Variants in BNC2 observed in about 807,000 individuals in gnomAD.
BNC2 encodes the protein zinc finger protein basonuclin-2.
In BNC2, 20 loss-of-function variants were observed where a neutral mutation model predicts 76.3. That is an observed-to-expected ratio of 0.26 (90% confidence interval 0.18 to 0.38). BNC2 has a LOEUF of 0.38. BNC2 is among the 10% of genes least tolerant of loss of function. The pLI, the probability that BNC2 is intolerant of heterozygous loss-of-function variation, is 1.00. For synonymous variants in BNC2, 582 were observed against 514.8 expected (o/e 1.13, Z -1.77); for missense variants, 1,382 against 1,399.8 (o/e 0.99, Z 0.20).
chr9:16,459,018 A>G (rs1404405163), intron 5 of BNC2, among the ~76,000 whole-genome samples: 2 of 152,234 alleles, frequency 1.3e-5, no homozygotes, highest in African/African-American at 4.8e-5. Flanking sequence ...ACAAGGGTGA[A>G]GCAAGTACAG....
chr9:16,436,921 G>C lies in BNC2; in HGVS notation c.1273C>G (p.Arg425Gly), dbSNP rs373427796. 1 of 1,613,920 alleles carries C rather than the reference G, an allele frequency of 6.2e-7. No individual in the cohort carries two copies. The highest frequency in any genetic ancestry group is 1.7e-5 in the Admixed American group (1 of 59,986). Reference protein sequence around the residue: ...TKTEHPKSSFRIHRMRRMGSA... With the variant: ...TKTEHPKSSFGIHRMRRMGSA... ...CCCATCCTTCTCATCCGATGAATCC[G>C]GAATGAGCTTTTTGGGTGTTCAGTT... The change falls in exon 6 of 7, where the codon CGG (arginine) becomes GGG (glycine). Residue 425 changes from arginine to glycine, a missense_variant. By Grantham distance (125) the Arg-to-Gly change is moderately radical (BLOSUM62 -2). This residue lies in a region of BNC2 where 557 missense variants were observed against 540.9 expected (regional missense o/e 1.03). Transcript: ENST00000380672.
chr9:16,646,659 G>T (rs1821635831), intron 3 of BNC2, among the ~76,000 whole-genome samples: 1 of 152,082 alleles, frequency 6.6e-6, no homozygotes, highest in South Asian at 2.1e-4. Flanking sequence ...TTTGGTTGGG[G>T]CGATAGTTTA....
At chr9:16,694,780 T>TA (rs1663224102) in intron 3 of BNC2, among the ~76,000 whole-genome samples, 1 of 152,172 alleles carries the variant, frequency 6.6e-6, no homozygotes, top group Non-Finnish European at 1.5e-5. Context: ...TACTGTATAC[T>TA]ACACAATCCC....
intron 5 of BNC2, among the ~76,000 whole-genome samples, chr9:16,486,615 A>G (rs1461879787): frequency 6.6e-6 from 1 of 152,214 alleles, no homozygotes; most frequent in East Asian, 1.9e-4. Flanking sequence ...TTAATGACAC[A>G]TTAGGCTCTC....
chr9:16,811,538 G>A (rs1199879866), intron 1 of BNC2, among the ~76,000 whole-genome samples: 1 of 112,408 alleles, frequency 8.9e-6, no homozygotes, highest in African/African-American at 3.2e-5. Context: ...GGCAACAAGA[G>A]TGAAACTCCA....
chr9:16,763,349 C>T (rs1189552158), intron 1 of BNC2, among the ~76,000 whole-genome samples: 2 of 152,094 alleles, frequency 1.3e-5, no homozygotes, highest in African/African-American at 4.8e-5. Flanking sequence ...ACAGGAGTAT[C>T]GCCTGAGCCC....
In BNC2 at chr9:16,654,119, T is replaced by C. The variant is rs80042791; in HGVS notation, c.331-71034A>G. On this transcript the variant is annotated intron_variant, in intron 3 of 6. Coordinates refer to ENST00000380672, the MANE Select transcript of BNC2 (RefSeq NM_017637.6). ...AAGTGCAGGCAAGATGCTGTAATTA[T>C]AGCAAAAATAAAACATTCAGAGAGA... Among the ~76,000 whole-genome samples the C allele has an allele frequency of 4.4e-3, 672 of 152,262 alleles. 6 individuals are homozygous for C. The highest frequency in any genetic ancestry group is 7.2e-3 in the Non-Finnish European group (493 of 68,028).
At chr9:16,820,352 G>A (rs894050819) in intron 1 of BNC2, among the ~76,000 whole-genome samples, 2 of 152,056 alleles carry the variant, frequency 1.3e-5, no homozygotes, top group African/African-American at 4.8e-5. Context: ...CTTGAACCAA[G>A]GAGGCAGAGG....
At chr9:16,664,535 G>T (rs980692511) in intron 3 of BNC2, among the ~76,000 whole-genome samples, 1 of 152,116 alleles carries the variant, frequency 6.6e-6, no homozygotes, top group African/African-American at 2.4e-5. Flanking sequence ...TTCTGGCCTT[G>T]TAGGAAGCAA....
intron 3 of BNC2, among the ~76,000 whole-genome samples, chr9:16,675,083 A>T: frequency 6.6e-6 from 1 of 152,194 alleles, no homozygotes; most frequent in Middle Eastern, 3.2e-3. Flanking sequence ...GTGCAGGAAG[A>T]TCTGCTATTT....
chr9:16,775,907 T>G (rs7024720), intron 1 of BNC2: 14,966 of 152,390 alleles, frequency 0.098, 913 homozygotes, highest in Admixed American at 0.19. Context: ...TCAGTTCATT[T>G]TGAACTGAAA....
chr9:16,603,112 A>G (rs1226644152), intron 3 of BNC2, among the ~76,000 whole-genome samples: 2 of 152,204 alleles, frequency 1.3e-5, no homozygotes, highest in African/African-American at 4.8e-5. Flanking sequence ...CAATTGTCAA[A>G]CCAGTAATAG....
At chr9:16,715,158 T>C (rs1358145768) in intron 3 of BNC2, among the ~76,000 whole-genome samples, 2 of 152,204 alleles carry the variant, frequency 1.3e-5, no homozygotes, top group Non-Finnish European at 2.9e-5. Flanking sequence ...TCTACATCAA[T>C]TACTTACACA....
intron 3 of BNC2, among the ~76,000 whole-genome samples, chr9:16,710,636 C>G (rs1013293292): frequency 9.2e-5 from 14 of 152,074 alleles, no homozygotes; most frequent in African/African-American, 2.9e-4. Context: ...AGGATTTGTT[C>G]TATCCCCAGT....
At chr9:16,697,145 G>A (rs1016309784) in intron 3 of BNC2, among the ~76,000 whole-genome samples, 1 of 151,756 alleles carries the variant, frequency 6.6e-6, no homozygotes, top group Admixed American at 6.6e-5. Flanking sequence ...TGGATCACGA[G>A]GTCAGGATTT....
intron 5 of BNC2, among the ~76,000 whole-genome samples, chr9:16,522,112 G>A (rs559029438): frequency 3.9e-5 from 6 of 152,300 alleles, no homozygotes; most frequent in Non-Finnish European, 7.3e-5. Flanking sequence ...GAGCTCCATT[G>A]TGCAGGCCCC....
chr9:16,832,673 A>G (rs935584651), intron 1 of BNC2, among the ~76,000 whole-genome samples: 22 of 152,174 alleles, frequency 1.4e-4, no homozygotes, highest in African/African-American at 4.8e-4. Context: ...TAGAAGGAGA[A>G]CAAAGTGGTA....
chr9:16,565,641 C>G (rs1012186991), intron 4 of BNC2, among the ~76,000 whole-genome samples: 4 of 151,884 alleles, frequency 2.6e-5, no homozygotes, highest in Non-Finnish European at 5.9e-5. Flanking sequence ...GACCCTGTCT[C>G]TACAAAAAAT....
intron 5 of BNC2, among the ~76,000 whole-genome samples, chr9:16,530,099 C>A (rs1218554537): frequency 1.3e-5 from 2 of 151,876 alleles, no homozygotes; most frequent in African/African-American, 2.4e-5. Flanking sequence ...AGTGGTCTGC[C>A]TACTTCGGCC....
Sources: gnomAD v4.1 joint callset for allele counts (sites outside exome capture counted in the v4.1 genomes callset) on GRCh38, gnomAD v4.1.1 for gene constraint, gnomAD v4.1.1 regional missense constraint, MANE v1.5 for transcripts, NCBI Gene and HGNC (gene_info 2026-07-23, HGNC 2026-07-21) for gene names.